GRID1: variants seen among roughly 807,000 people sequenced by gnomAD.
GRID1 encodes glutamate ionotropic receptor delta type subunit 1.
GRID1 carries 28 observed loss-of-function variants against 98.0 expected under a neutral mutation model. The ratio of observed to expected loss-of-function variants is 0.29; its 90% CI spans 0.21 to 0.39. The LOEUF is 0.39. Ranked by LOEUF, GRID1 falls within the 10% of genes least tolerant of loss-of-function variation. The probability of loss-of-function intolerance (pLI) is 1.00; values close to 1 mark genes in which losing one functional copy is unlikely to be tolerated. For synonymous variants in GRID1, 553 were observed against 538.5 expected, an observed-to-expected ratio of 1.03 and a Z score of -0.37; for missense variants, 1,111 against 1,340.5, an observed-to-expected ratio of 0.83 and a Z score of 2.67.
chr10:86,294,357 T>C (rs1267394776), intron 2 of GRID1, among the ~76,000 whole-genome samples: 1 of 152,182 alleles, frequency 6.6e-6, no homozygotes, highest in Admixed American at 6.5e-5. Flanking sequence ...GGAGCTTTGA[T>C]CTGAGTGAGC....
intron 13 of GRID1, 125 bp from the exon 14 acceptor site, chr10:85,620,158 A>G: frequency 1.4e-6 from 1 of 719,786 alleles, no homozygotes; most frequent in East Asian, 2.7e-5. Flanking sequence ...CCCACCAGAC[A>G]GCACAGCAAC....
At chr10:85,990,627 G>C (rs1306354166) in intron 4 of GRID1, among the ~76,000 whole-genome samples, 1 of 152,194 alleles carries the variant, frequency 6.6e-6, no homozygotes, top group Non-Finnish European at 1.5e-5. Flanking sequence ...GGCTCGAAGA[G>C]CTCAGAGTGC....
intron 3 of GRID1, among the ~76,000 whole-genome samples, chr10:86,200,368 A>C (rs1043706919): frequency 6.6e-6 from 1 of 152,202 alleles, no homozygotes; most frequent in Non-Finnish European, 1.5e-5. Flanking sequence ...GCCACCAAGG[A>C]AAAGACTGGC....
At chr10:85,829,386 A>G (rs905450270) in intron 8 of GRID1, among the ~76,000 whole-genome samples, 1 of 152,142 alleles carries the variant, frequency 6.6e-6, no homozygotes, top group South Asian at 2.1e-4. Flanking sequence ...GCTGAGAACC[A>G]AAACAAGACA....
intron 4 of GRID1, among the ~76,000 whole-genome samples, chr10:85,978,033 C>T (rs1254537795): frequency 1.3e-5 from 2 of 152,212 alleles, no homozygotes; most frequent in East Asian, 3.8e-4. Flanking sequence ...ATCCAGCTCT[C>T]TGAAAACATA....
In GRID1 at chr10:86,045,212, A is replaced by C. The variant is rs534293050; in HGVS notation, c.726+93607T>G. Among the ~76,000 whole-genome samples the C allele has an allele frequency of 3.9e-5, 6 of 152,224 alleles. No homozygotes were observed. The South Asian group carries it at 1.2e-3, about 32-fold the overall frequency. On this transcript the variant is annotated intron_variant, in intron 4 of 15. Transcript: ENST00000327946. ...CACATGAGGAAACTGAGGCATGGGG[A>C]GATTAGGTTATTTGCCCAGGGTTAT...
intron 4 of GRID1, among the ~76,000 whole-genome samples, chr10:86,068,985 G>T (rs1269516954): frequency 6.6e-6 from 1 of 152,024 alleles, no homozygotes; most frequent in East Asian, 1.9e-4. Context: ...ACTCCAATCT[G>T]CTCCACAGGC....
chr10:86,035,649 G>C (rs1402284274), intron 4 of GRID1, among the ~76,000 whole-genome samples: 4 of 152,168 alleles, frequency 2.6e-5, no homozygotes, highest in East Asian at 3.9e-4. Context: ...TATTTTATTG[G>C]TGACCACTGG....
Position 85,619,907 on chromosome 10 carries a change from G to A in GRID1, c.2320C>T (p.Leu774=). The A allele has an allele frequency of 6.2e-7, 1 of 1,614,176 alleles. No individual in the cohort carries two copies. The highest frequency in any genetic ancestry group is 8.5e-7 in the Non-Finnish European group (1 of 1,179,990). ...SISSKGYGIA[L]QHGSPYRDLF... Reference sequence around the variant, plus strand: ...TCCCTGTAGGGGCTGCCATGCTGCAGGGCAATCCCGTAACCCTTGCTGCTG... The same window carrying A: ...TCCCTGTAGGGGCTGCCATGCTGCAAGGCAATCCCGTAACCCTTGCTGCTG... Residue 774 remains leucine, a synonymous_variant, in exon 14 of 16, where the codon CTG becomes TTG. Transcript: ENST00000327946.
chr10:86,250,750 C>T (rs1022037179), intron 2 of GRID1, among the ~76,000 whole-genome samples: 3 of 150,300 alleles, frequency 2.0e-5, no homozygotes, highest in Admixed American at 6.6e-5. Context: ...CCCAGCCACC[C>T]GGTCTGGGAA....
chr10:85,796,904 T>A (rs1842530552), intron 8 of GRID1, among the ~76,000 whole-genome samples: 1 of 152,224 alleles, frequency 6.6e-6, no homozygotes, highest in African/African-American at 2.4e-5. Context: ...AAGGAAGGCT[T>A]CATTGGTTTT....
intron 4 of GRID1, among the ~76,000 whole-genome samples, chr10:86,129,018 G>A (rs1844796775): frequency 6.6e-6 from 1 of 152,200 alleles, no homozygotes. Context: ...GGCAAGAAAG[G>A]GGCTGGGTCT....
intron 2 of GRID1, among the ~76,000 whole-genome samples, chr10:86,309,331 T>C (rs1847801641): frequency 1.3e-5 from 2 of 152,098 alleles, no homozygotes; most frequent in Admixed American, 1.3e-4. Flanking sequence ...ATACAATAAT[T>C]AACAAAACCA....
chr10:85,676,911 A>G (rs945164117), intron 12 of GRID1, among the ~76,000 whole-genome samples: 6 of 152,232 alleles, frequency 3.9e-5, no homozygotes, highest in African/African-American at 1.4e-4. Flanking sequence ...TGGCAGGCAG[A>G]GCTAGCAGAA....
chr10:85,710,113 A>G (rs1444886860), intron 12 of GRID1, among the ~76,000 whole-genome samples: 1 of 152,170 alleles, frequency 6.6e-6, no homozygotes, highest in East Asian at 1.9e-4. Context: ...TTTTTTGTAG[A>G]AATAAAAAAA....
intron 2 of GRID1, among the ~76,000 whole-genome samples, chr10:86,275,751 G>A (rs904776841): frequency 9.2e-5 from 14 of 152,042 alleles, no homozygotes; most frequent in Non-Finnish European, 1.8e-4. Flanking sequence ...AGAGAAAGAT[G>A]AAAAGTGAAC....
chr10:86,330,797 C>A (rs766914963), intron 2 of GRID1, among the ~76,000 whole-genome samples: 1 of 152,326 alleles, frequency 6.6e-6, no homozygotes, highest in Middle Eastern at 3.4e-3. Flanking sequence ...AGGAGCAGCA[C>A]GTCCAGGAAG....
Position 85,601,794 on chromosome 10 carries a change from T to C in GRID1, c.*479A>G, listed in dbSNP as rs1413343930. ...ATGCGGGCTCCAAACTCACTCTTTA[T>C]CAAGCTGAGGGACTAAAAGGGACGA... On this transcript the variant is annotated 3_prime_UTR_variant, in exon 16 of 16. Coordinates refer to ENST00000327946, the MANE Select transcript of GRID1 (RefSeq NM_017551.3). 1.3e-5 allele frequency: 2 copies of C among 156,762 alleles called. No individual in the cohort carries two copies. The highest frequency in any genetic ancestry group is 2.4e-5 in the African/African-American group (1 of 41,502). 9.7% of individuals were successfully genotyped at this position (156,762 alleles called of 1,614,324 possible). A position where few individuals can be genotyped will look rare whatever the true frequency, so the allele number is the denominator to read the frequency against.
chr10:86,138,775 C>T lies in GRID1; in HGVS notation c.726+44G>A, dbSNP rs1844966471. ...CCCACCTGAACCATCTTCTGCAGAG[C>T]CCTGGGCACCAGGCCCCTGAGGCCT... On this transcript the variant is annotated intron_variant, in intron 4 of 15. Transcript: ENST00000327946. The T allele has an allele frequency of 3.3e-6, 5 of 1,493,884 alleles. No individual in the cohort carries two copies. In the African/African-American group the frequency reaches 4.1e-5, roughly 12 times the overall value. The allele number at this position is 1,493,884 out of a possible 1,614,324, so 92.5% of individuals were successfully genotyped here.
Sources: gnomAD v4.1 joint callset for allele counts (sites outside exome capture counted in the v4.1 genomes callset) on GRCh38, gnomAD v4.1.1 for gene constraint, MANE v1.5 for transcripts, NCBI Gene and HGNC (gene_info 2026-07-23, HGNC 2026-07-21) for gene names.